Variants in PRKCE observed in about 807,000 individuals in gnomAD.
PRKCE encodes the protein protein kinase C epsilon type.
PRKCE carries 16 observed loss-of-function variants against 85.4 expected under a neutral mutation model. The ratio of observed to expected loss-of-function variants is 0.19; its 90% CI spans 0.13 to 0.28. The LOEUF (loss-of-function observed/expected upper bound fraction) is 0.28, where lower values mean the gene tolerates loss of function less well. Ranked by LOEUF, PRKCE falls within the 10% of genes least tolerant of loss-of-function variation. PRKCE has a pLI of 1.00. For synonymous variants in PRKCE, 388 were observed against 371.5 expected (o/e 1.04, Z -0.51); for missense variants, 573 against 975.2 (o/e 0.59, Z 5.49).
At chr2:45,962,375 C>T (rs527593156) in intron 2 of PRKCE, among the ~76,000 whole-genome samples, 5 of 152,296 alleles carry the variant, frequency 3.3e-5, no homozygotes, top group Non-Finnish European at 4.4e-5. Context: ...GGAATTTGGT[C>T]GCTACTTTTA....
At chr2:46,147,046 T>C (rs909720062) in intron 12 of PRKCE, among the ~76,000 whole-genome samples, 1 of 152,136 alleles carries the variant, frequency 6.6e-6, no homozygotes, top group Non-Finnish European at 1.5e-5. Flanking sequence ...TCAGGAGGCT[T>C]CACAGACCAC....
At chr2:45,820,245 T>C (rs150203224) in intron 1 of PRKCE, among the ~76,000 whole-genome samples, 2 of 152,050 alleles carry the variant, frequency 1.3e-5, no homozygotes, top group African/African-American at 4.8e-5. Flanking sequence ...CTGGAACACA[T>C]AGAACACTGC....
At chr2:46,182,421 G>C (rs1315199005) in intron 14 of PRKCE, among the ~76,000 whole-genome samples, 1 of 152,078 alleles carries the variant, frequency 6.6e-6, no homozygotes, top group Non-Finnish European at 1.5e-5. Context: ...TGGAGAGGGA[G>C]AACAGATGGT....
rs1032393833 is a variant in PRKCE, at chr2:46,068,687, G to C, written c.1438-17521G>C. 3.3e-5 allele frequency among the ~76,000 whole-genome samples: 5 copies of C among 152,174 alleles called. No individual in the cohort carries two copies. The highest frequency in any genetic ancestry group is 1.2e-4 in the African/African-American group (5 of 41,432). ...AATTCTCCAAGGGCTGTCTTCATTT[G>C]CAAAGGCATCACCAATGAGCAGGAG... is the stretch of plus-strand genomic sequence containing the variant. On this transcript the variant is annotated intron_variant, in intron 10 of 14. Coordinates refer to ENST00000306156, the MANE Select transcript of PRKCE (RefSeq NM_005400.3). This position sits in a 1 kb window ranked among gnomAD's most constrained non-coding sequence, Gnocchi z 4.3.
chr2:45,887,851 T>C (rs1023721689), intron 2 of PRKCE, among the ~76,000 whole-genome samples: 14 of 152,228 alleles, frequency 9.2e-5, no homozygotes, highest in South Asian at 4.1e-4. Context: ...ACTTTGGCGT[T>C]CTAAATTTCA....
chr2:45,719,055 T>G (rs1476458210), intron 1 of PRKCE, among the ~76,000 whole-genome samples: 1 of 152,244 alleles, frequency 6.6e-6, no homozygotes, highest in Non-Finnish European at 1.5e-5. Flanking sequence ...TCTTGAGACT[T>G]TTCTTCACAA....
At chr2:45,866,236 G>C (rs1346391086) in intron 2 of PRKCE, among the ~76,000 whole-genome samples, 1 of 152,098 alleles carries the variant, frequency 6.6e-6, no homozygotes, top group African/African-American at 2.4e-5. Context: ...CATCTGGAAG[G>C]CTTTAAAAGA....
chr2:45,923,365 C>T (rs571033015), intron 2 of PRKCE, among the ~76,000 whole-genome samples: 1 of 152,208 alleles, frequency 6.6e-6, no homozygotes, highest in African/African-American at 2.4e-5. Context: ...GTGCCCAGAG[C>T]AGTGGCCATG....
intron 1 of PRKCE, among the ~76,000 whole-genome samples, chr2:45,682,153 A>G (rs1433509282): frequency 6.6e-6 from 1 of 152,202 alleles, no homozygotes; most frequent in African/African-American, 2.4e-5. Flanking sequence ...TCTCTGACAT[A>G]CAAACTGCCC....
intron 2 of PRKCE, among the ~76,000 whole-genome samples, chr2:45,871,259 G>C (rs1464132922): frequency 1.3e-5 from 2 of 152,214 alleles, no homozygotes; most frequent in Non-Finnish European, 2.9e-5. Context: ...CTGGCTTTGA[G>C]AGCATTTCAT....
At chr2:45,691,172 G>A (rs1677698007) in intron 1 of PRKCE, among the ~76,000 whole-genome samples, 1 of 152,196 alleles carries the variant, frequency 6.6e-6, no homozygotes, top group Admixed American at 6.5e-5. Context: ...GTGTCCGTCA[G>A]TGGGCTGGGC....
chr2:46,035,141 A>G (rs1707780246), intron 10 of PRKCE, among the ~76,000 whole-genome samples: 1 of 152,238 alleles, frequency 6.6e-6, no homozygotes, highest in African/African-American at 2.4e-5. Context: ...CCTTGATGTC[A>G]GGGCTTTCAA....
At chr2:46,157,214 G>A (rs1181598049) in intron 13 of PRKCE, among the ~76,000 whole-genome samples, 1 of 152,072 alleles carries the variant, frequency 6.6e-6, no homozygotes, top group Non-Finnish European at 1.5e-5. Context: ...AGTCAGATGA[G>A]TAACTAAAGG....
At chr2:46,000,206 A>T (rs1202588930) in intron 6 of PRKCE, among the ~76,000 whole-genome samples, 3 of 150,502 alleles carry the variant, frequency 2.0e-5, no homozygotes, top group Non-Finnish European at 4.4e-5. Flanking sequence ...GCCAGACATT[A>T]TATACCGGGT....
intron 1 of PRKCE, among the ~76,000 whole-genome samples, chr2:45,830,092 A>G (rs2105388412): frequency 7.6e-6 from 1 of 130,896 alleles, no homozygotes; most frequent in East Asian, 2.2e-4. Flanking sequence ...AAAAAAAAAA[A>G]AAAAATTGGA....
intron 11 of PRKCE, among the ~76,000 whole-genome samples, chr2:46,088,396 C>T (rs1370034638): frequency 6.6e-6 from 1 of 152,164 alleles, no homozygotes; most frequent in African/African-American, 2.4e-5. Context: ...CAGAGTGAGT[C>T]CCTCCGTCCC....
intron 2 of PRKCE, among the ~76,000 whole-genome samples, chr2:45,927,088 G>A (rs116191915): frequency 2.0e-5 from 3 of 151,744 alleles, no homozygotes; most frequent in Admixed American, 6.6e-5. Flanking sequence ...ACATGTGAGC[G>A]TGCATGGGAC....
At chr2:45,682,574 A>T (rs1384405606) in intron 1 of PRKCE, among the ~76,000 whole-genome samples, 2 of 151,808 alleles carry the variant, frequency 1.3e-5, no homozygotes, top group African/African-American at 4.8e-5. Context: ...TTACAGGCAC[A>T]CATCACCTTG....
chr2:45,791,363 G>T (rs529219671), intron 1 of PRKCE, among the ~76,000 whole-genome samples: 1 of 152,172 alleles, frequency 6.6e-6, no homozygotes, highest in Non-Finnish European at 1.5e-5. Context: ...TAGTGAGCAC[G>T]TGGGGGTCCT....
Sources: gnomAD v4.1 joint callset for allele counts (sites outside exome capture counted in the v4.1 genomes callset) on GRCh38, gnomAD v4.1.1 for gene constraint, Gnocchi (gnomAD v3.1) non-coding constraint, MANE v1.5 for transcripts, NCBI Gene and HGNC (gene_info 2026-07-23, HGNC 2026-07-21) for gene names.